The following CFI variants were observed in gnomAD, a reference collection of about 807,000 sequenced individuals.
CFI encodes the protein C3B/C4B inactivator.
CFI carries 66 observed loss-of-function variants against 78.8 expected under a neutral mutation model. That is an observed-to-expected ratio of 0.84 (90% CI 0.69 to 1.03). The LOEUF is 1.03. Among genes scored for constraint, CFI ranks in the 50% least tolerant of loss-of-function variants. The pLI, the probability that CFI is intolerant of heterozygous loss-of-function variation, is 0.00. For synonymous variants in CFI, 250 were observed against 232.6 expected (o/e 1.07, Z -0.68); for missense variants, 706 against 704.5 (o/e 1.00, Z -0.02).
At chr4:109,749,819 G>T (rs780088310) in intron 8 of CFI, among the ~76,000 whole-genome samples, 6 of 152,044 alleles carry the variant, frequency 3.9e-5, no homozygotes, top group Non-Finnish European at 8.8e-5. Flanking sequence ...CTGAAGTTCT[G>T]CCTAAAGATA....
intron 1 of CFI, among the ~76,000 whole-genome samples, chr4:109,785,488 T>C (rs1310542117): frequency 1.3e-5 from 2 of 151,936 alleles, no homozygotes; most frequent in Non-Finnish European, 2.9e-5. Flanking sequence ...TATTCAGAAA[T>C]TTATTTACTT....
At chr4:109,775,526 A>G (rs1729114815) in intron 1 of CFI, among the ~76,000 whole-genome samples, 1 of 152,190 alleles carries the variant, frequency 6.6e-6, no homozygotes, top group South Asian at 2.1e-4. Flanking sequence ...GGAGCCCACC[A>G]CAGCTCAAGG....
intron 1 of CFI, among the ~76,000 whole-genome samples, chr4:109,783,834 T>TA (rs57344652): frequency 1.4e-5 from 2 of 139,798 alleles, no homozygotes; most frequent in Admixed American, 7.7e-5. Context: ...TATATATATA[T>TA]GATGGAATAC....
chr4:109,752,695 A>G (rs918981621), intron 7 of CFI, among the ~76,000 whole-genome samples, 192 bp from the exon 8 acceptor site: 1 of 151,086 alleles, frequency 6.6e-6, no homozygotes, highest in East Asian at 1.9e-4. Context: ...TAAAGGCTCA[A>G]GATGCACTGT....
chr4:109,785,925 G>A (rs959709111), intron 1 of CFI, among the ~76,000 whole-genome samples: 2 of 151,886 alleles, frequency 1.3e-5, no homozygotes, highest in Admixed American at 1.3e-4. Flanking sequence ...GGCCTCCCCA[G>A]CCATGCTGAA....
At chr4:109,781,585 GA>G (rs1167468556) in intron 1 of CFI, among the ~76,000 whole-genome samples, 1 of 152,072 alleles carries the variant, frequency 6.6e-6, no homozygotes, top group Non-Finnish European at 1.5e-5. Flanking sequence ...GACACTCAAA[GA>G]AGAATTTGTA....
chr4:109,796,487 C>A (rs1732073319), intron 1 of CFI, among the ~76,000 whole-genome samples: 1 of 152,176 alleles, frequency 6.6e-6, no homozygotes, highest in Non-Finnish European at 1.5e-5. Context: ...CAATAATGAA[C>A]TGTCCTAGAA....
At chr4:109,784,152 C>A (rs189235182) in intron 1 of CFI, among the ~76,000 whole-genome samples, 31 of 151,824 alleles carry the variant, frequency 2.0e-4, no homozygotes, top group African/African-American at 7.2e-4. Context: ...CTCATGTAAC[C>A]AAATACCACC....
chr4:109,789,400 C>A (rs1731106071), intron 1 of CFI, among the ~76,000 whole-genome samples: 1 of 151,572 alleles, frequency 6.6e-6, no homozygotes, highest in African/African-American at 2.4e-5. Flanking sequence ...ACTTGGAAAC[C>A]AATAACTAAG....
At chr4:109,756,893 G>GAAAGAAAGAAAGA (rs1172164214) in intron 7 of CFI, among the ~76,000 whole-genome samples, 1 of 13,758 alleles carries the variant, frequency 7.3e-5, no homozygotes, top group African/African-American at 2.5e-4. Context: ...AGAAAGGAAA[G>GAAAGAAAGAAAGA]AAAGAAAGAA....
intron 1 of CFI, among the ~76,000 whole-genome samples, chr4:109,768,189 G>A (rs1274528173): frequency 2.7e-5 from 4 of 147,062 alleles, no homozygotes; most frequent in African/African-American, 1.0e-4. Flanking sequence ...GTTAAATGAC[G>A]AGTTACTGGG....
chr4:109,786,474 T>C (rs1286407239), intron 1 of CFI, among the ~76,000 whole-genome samples: 1 of 152,122 alleles, frequency 6.6e-6, no homozygotes, highest in Non-Finnish European at 1.5e-5. Context: ...AACAACCTCC[T>C]TTTTCTAGAC....
chr4:109,732,614 T>C, the CFI span, among the ~76,000 whole-genome samples: 1 of 152,026 alleles, frequency 6.6e-6, no homozygotes, highest in Non-Finnish European at 1.5e-5. Context: ...TCCCAGCACT[T>C]TGGGAGGCTG....
chr4:109,751,116 T>A (rs561781288), intron 8 of CFI, among the ~76,000 whole-genome samples: 1 of 152,208 alleles, frequency 6.6e-6, no homozygotes, highest in South Asian at 2.1e-4. Flanking sequence ...TGTTTCTTTC[T>A]AAGGAACTGG....
intron 1 of CFI, among the ~76,000 whole-genome samples, chr4:109,796,547 T>A (rs28786383): frequency 0.18 from 27,318 of 152,140 alleles, 4,665 homozygotes; most frequent in African/African-American, 0.43. Context: ...TCATGCCTAT[T>A]TCCCAGTGCT....
chr4:109,733,949 C>T, the CFI span, among the ~76,000 whole-genome samples: 2 of 152,042 alleles, frequency 1.3e-5, no homozygotes, highest in Non-Finnish European at 2.9e-5. Flanking sequence ...GCTGGCAGAT[C>T]GCCTGAGTCC....
chr4:109,768,351 A>T (rs1043805748), intron 1 of CFI, among the ~76,000 whole-genome samples: 4 of 151,152 alleles, frequency 2.6e-5, no homozygotes, highest in African/African-American at 9.7e-5. Flanking sequence ...AAAAAAAAAA[A>T]AAGAAAAAAA....
rs1723997036 is a variant in CFI, at chr4:109,743,041, A to C, written c.1430-446T>G. On this transcript the variant is annotated intron_variant, in intron 11 of 12. Coordinates refer to ENST00000394634, the MANE Select transcript of CFI (RefSeq NM_000204.5). ...AAAGGAAATACATACGAAGTTATCA[A>C]TGTTTGTGTGTTTTTGTGTGTCTGA... Among the ~76,000 whole-genome samples, 3 of 152,196 alleles carry C rather than the reference A, an allele frequency of 2.0e-5. No homozygotes were observed. The South Asian group carries it at 6.2e-4, about 31-fold the overall frequency.
At chr4:109,787,374 C>G (rs1427821849) in intron 1 of CFI, among the ~76,000 whole-genome samples, 2 of 152,076 alleles carry the variant, frequency 1.3e-5, no homozygotes, top group Admixed American at 1.3e-4. Context: ...ATGGTCTTTA[C>G]TAGCAATTTT....
Sources: allele counts gnomAD v4.1 joint callset (sites outside exome capture counted in the v4.1 genomes callset), GRCh38; gene constraint gnomAD v4.1.1; transcripts MANE v1.5; gene names NCBI Gene and HGNC (gene_info 2026-07-23, HGNC 2026-07-21).